The following SLC10A6 variants were observed in gnomAD, a reference collection of about 807,000 sequenced individuals.
SLC10A6 encodes the protein sodium-dependent organic anion transporter.
SLC10A6 carries 27 observed loss-of-function variants against 30.0 expected under a neutral mutation model. The ratio of observed to expected loss-of-function variants is 0.90; its 90% confidence interval spans 0.66 to 1.24. The LOEUF (loss-of-function observed/expected upper bound fraction) is 1.24, where lower values mean the gene tolerates loss of function less well. Ranked by LOEUF, SLC10A6 falls within the 50% of genes most tolerant of loss-of-function variation. SLC10A6 has a pLI of 0.00. For synonymous variants in SLC10A6, 166 were observed against 173.8 expected, an observed-to-expected ratio of 0.95 and a Z score of 0.36; for missense variants, 439 against 457.0, an observed-to-expected ratio of 0.96 and a Z score of 0.36.
intron 1 of SLC10A6, among the ~76,000 whole-genome samples, chr4:86,842,874 C>CTTTCTTTCTTTCTTT (rs1560461934): frequency 2.3e-4 from 10 of 42,786 alleles, no homozygotes; most frequent in South Asian, 4.8e-4. Flanking sequence ...TTCTTTCTTT[C>CTTTCTTTCTTTCTTT]TTTTTTTTTT....
rs1325896898 is a variant in SLC10A6, at chr4:86,833,459, G to C, written c.378-35C>G. On this transcript the variant is annotated intron_variant, in intron 1 of 5. Coordinates refer to ENST00000273905, the MANE Select transcript of SLC10A6 (RefSeq NM_197965.3). ...AAATTAATACAATGCTTAGGAGGGA[G>C]CATTGGACATGAAGAATTTAGTCTT... The C allele has an allele frequency of 3.3e-6, 5 of 1,495,452 alleles. No homozygotes were observed. The African/African-American group carries it at 6.9e-5, about 21-fold the overall frequency. 92.6% of individuals were successfully genotyped at this position (1,495,452 alleles called of 1,614,324 possible).
At chr4:86,834,278 C>T (rs1746143636) in intron 1 of SLC10A6, among the ~76,000 whole-genome samples, 1 of 152,124 alleles carries the variant, frequency 6.6e-6, no homozygotes, top group Non-Finnish European at 1.5e-5. Flanking sequence ...TGGGTGGGGT[C>T]TTCATGAGGC....
rs760496665 is a variant in SLC10A6, at chr4:86,833,300, A to G, written c.496+6T>C. 5 of 1,596,430 alleles carry G rather than the reference A, an allele frequency of 3.1e-6. No homozygotes were observed. In the South Asian group the frequency reaches 3.3e-5, roughly 11 times the overall value. On this transcript the variant is annotated splice_donor_region_variant and intron_variant, in intron 2 of 5. Coordinates refer to ENST00000273905, the MANE Select transcript of SLC10A6 (RefSeq NM_197965.3). Reference sequence around the variant, plus strand: ...TTAGTCCTCCATTTCCCAGGCCCATACAGACCTATGTTCTGATAAGGAATG... The same window carrying G: ...TTAGTCCTCCATTTCCCAGGCCCATGCAGACCTATGTTCTGATAAGGAATG...
chr4:86,831,755 C>A, intron 3 of SLC10A6, 37 bp downstream of exon 3: 2 of 1,556,196 alleles, frequency 1.3e-6, no homozygotes, highest in South Asian at 1.1e-5. Context: ...GCCCCTGAGT[C>A]TGAGGACGTG....
intron 1 of SLC10A6, among the ~76,000 whole-genome samples, chr4:86,844,435 C>T (rs1300190050): frequency 2.0e-5 from 3 of 152,178 alleles, no homozygotes; most frequent in Non-Finnish European, 4.4e-5. Context: ...TCCATGTCCG[C>T]TGTAATGTGA....
chr4:86,823,803 T>A lies in SLC10A6; in HGVS notation c.1019A>T (p.Glu340Val). 1 of 1,614,204 alleles carries A rather than the reference T, an allele frequency of 6.2e-7. No individual in the cohort carries two copies. The highest frequency in any genetic ancestry group is 8.5e-7 in the Non-Finnish European group (1 of 1,180,014). Residue 340 changes from glutamate to valine, a missense_variant, in exon 6 of 6, where the codon GAG becomes GTG. By Grantham distance (121) the Glu-to-Val change is moderately radical. Coordinates refer to ENST00000273905, the MANE Select transcript of SLC10A6 (RefSeq NM_197965.3). Reference sequence around the variant, plus strand: ...ATTCACCTCCAAGAAGGCATTGGTCTCTCTGGAAGAAGTCGATTTCCTCGT... The same window carrying A: ...ATTCACCTCCAAGAAGGCATTGGTCACTCTGGAAGAAGTCGATTTCCTCGT... Reference protein sequence around the residue: ...CHTRKSTSSRETNAFLEVNEE... With the variant: ...CHTRKSTSSRVTNAFLEVNEE...
intron 3 of SLC10A6, among the ~76,000 whole-genome samples, chr4:86,829,731 C>T (rs1578754590): frequency 1.3e-5 from 2 of 151,130 alleles, no homozygotes; most frequent in Admixed American, 6.6e-5. Context: ...ATAATGATTA[C>T]ATTAGCCTAG....
At chr4:86,827,885 A>G (rs977603835) in intron 4 of SLC10A6, 108 bp downstream of exon 4, 3 of 987,794 alleles carry the variant, frequency 3.0e-6, no homozygotes, top group Non-Finnish European at 4.4e-6. Flanking sequence ...CGATTCCACT[A>G]TGTAAGTCAA....
chr4:86,837,278 A>AGAAG (rs1746207933), intron 1 of SLC10A6, among the ~76,000 whole-genome samples: 1 of 105,860 alleles, frequency 9.4e-6, no homozygotes, highest in East Asian at 2.7e-4. Flanking sequence ...AAAGAAAGAA[A>AGAAG]GAAAGAAAAA....
chr4:86,827,906 G>A, intron 4 of SLC10A6, 87 bp downstream of exon 4: 1 of 1,272,988 alleles, frequency 7.9e-7, no homozygotes, highest in Non-Finnish European at 1.1e-6. Context: ...AACTCTTCAT[G>A]TCTCCTGACA....
intron 5 of SLC10A6, 64 bp downstream of exon 5, chr4:86,825,356 A>AC: frequency 6.7e-7 from 1 of 1,487,600 alleles, no homozygotes; most frequent in East Asian, 2.3e-5. Context: ...TTGAAAAAAA[A>AC]GTTGGTAAGT....
chr4:86,833,428 A>G lies in SLC10A6; in HGVS notation c.378-4T>C. 6.2e-7 allele frequency: 1 copy of G among 1,604,984 alleles called. No individual in the cohort carries two copies. The highest frequency in any genetic ancestry group is 8.5e-7 in the Non-Finnish European group (1 of 1,171,790). On this transcript the variant is annotated splice_polypyrimidine_tract_variant and splice_region_variant and intron_variant, in intron 1 of 5. Coordinates refer to ENST00000273905, the MANE Select transcript of SLC10A6 (RefSeq NM_197965.3). The stretch of plus-strand genomic sequence containing the variant: ...GGAACAGGTTGTCATACTGATGCTG[A>G]AAGTAAAATTAATACAATGCTTAGG...
intron 1 of SLC10A6, 56 bp from the exon 2 acceptor site, chr4:86,833,480 G>C: frequency 7.2e-7 from 1 of 1,391,600 alleles, no homozygotes; most frequent in Non-Finnish European, 1.0e-6. Context: ...GAAGAATTTA[G>C]TCTTTACCAA....
At chr4:86,835,791 A>G (rs1231326437) in intron 1 of SLC10A6, among the ~76,000 whole-genome samples, 5 of 152,288 alleles carry the variant, frequency 3.3e-5, no homozygotes, top group South Asian at 2.1e-4. Context: ...GAAGGGACTG[A>G]GATTTGAGAT....
intron 1 of SLC10A6, among the ~76,000 whole-genome samples, chr4:86,837,113 G>T (rs1417271858): frequency 3.3e-5 from 5 of 151,172 alleles, no homozygotes; most frequent in Non-Finnish European, 7.4e-5. Flanking sequence ...AAAGCACTTA[G>T]TTACATTAAC....
chr4:86,846,870 A>G (rs1180563188), intron 1 of SLC10A6, among the ~76,000 whole-genome samples: 2 of 152,226 alleles, frequency 1.3e-5, no homozygotes, highest in Non-Finnish European at 2.9e-5. Context: ...TAATTTGAAC[A>G]AAGTTAAAGG....
At chr4:86,833,555 C>A in intron 1 of SLC10A6, 131 bp from the exon 2 acceptor site, 1 of 613,870 alleles carries the variant, frequency 1.6e-6, no homozygotes, top group Non-Finnish European at 2.9e-6. Context: ...GCTCATTTCT[C>A]TCCCGTTGTT....
chr4:86,843,195 T>G (rs547377131), intron 1 of SLC10A6, among the ~76,000 whole-genome samples: 2 of 151,296 alleles, frequency 1.3e-5, no homozygotes, highest in Admixed American at 1.3e-4. Flanking sequence ...GGGTTGTTTT[T>G]GTAATACACA....
At chr4:86,837,293 G>GAAAAA (rs1560460397) in intron 1 of SLC10A6, among the ~76,000 whole-genome samples, 147 of 74,704 alleles carry the variant, frequency 2.0e-3, no homozygotes, top group Non-Finnish European at 2.7e-3. Flanking sequence ...GAAAAAGAAA[G>GAAAAA]GAAGGAAGGA....
Sources: allele counts gnomAD v4.1 joint callset (sites outside exome capture counted in the v4.1 genomes callset), GRCh38; gene constraint gnomAD v4.1.1; transcripts MANE v1.5; gene names NCBI Gene and HGNC (gene_info 2026-07-23, HGNC 2026-07-21).